The following EIF4E variants were observed in gnomAD, a reference collection of about 807,000 sequenced individuals.
The protein encoded by EIF4E is eIF-4F 25 kDa subunit.
For missense variants in EIF4E, 113 were observed against 265.6 expected, an observed-to-expected ratio of 0.43 and a Z score of 3.99; for synonymous variants, 71 against 88.5, an observed-to-expected ratio of 0.80 and a Z score of 1.11.
intron 2 of EIF4E, among the ~76,000 whole-genome samples, chr4:98,894,131 A>T (rs1423710180): frequency 6.6e-6 from 1 of 152,354 alleles, no homozygotes; most frequent in Admixed American, 6.5e-5. Flanking sequence ...CCATGCTATA[A>T]ATCGATGCAC....
chr4:98,927,874 C>A (rs938873244), intron 1 of EIF4E, among the ~76,000 whole-genome samples: 31 of 152,110 alleles, frequency 2.0e-4, no homozygotes, highest in African/African-American at 7.2e-4. Context: ...TCTAAAAAGG[C>A]AACAGGGCCC....
intron 1 of EIF4E, among the ~76,000 whole-genome samples, chr4:98,921,175 G>T (rs1424390122): frequency 6.6e-6 from 1 of 151,976 alleles, no homozygotes; most frequent in Non-Finnish European, 1.5e-5. Context: ...CACCTATAAA[G>T]TATTCATTTA....
chr4:98,924,868 T>C (rs1227455458), intron 1 of EIF4E, among the ~76,000 whole-genome samples: 2 of 152,234 alleles, frequency 1.3e-5, no homozygotes, highest in Non-Finnish European at 2.9e-5. Context: ...GTGCTGAGAT[T>C]ACAGGCGTGA....
At chr4:98,916,863 G>A (rs1046928966) in intron 1 of EIF4E, among the ~76,000 whole-genome samples, 2 of 151,872 alleles carry the variant, frequency 1.3e-5, no homozygotes, top group Non-Finnish European at 2.9e-5. Context: ...CCAAATAACA[G>A]GAAGATAAAG....
intron 1 of EIF4E, among the ~76,000 whole-genome samples, chr4:98,907,739 G>A (rs1724935726): frequency 6.6e-6 from 1 of 152,136 alleles, no homozygotes; most frequent in Non-Finnish European, 1.5e-5. Flanking sequence ...AAAACTTTCA[G>A]AGTACCATAG....
chr4:98,907,673 C>T (rs912051113), intron 1 of EIF4E, among the ~76,000 whole-genome samples: 13 of 152,198 alleles, frequency 8.5e-5, no homozygotes, highest in African/African-American at 3.1e-4. Context: ...AGCCTGGATC[C>T]ACCTCTAACC....
rs1451527468 is a variant in EIF4E, at chr4:98,887,025, G to A, written c.399+54C>T. 12 of 1,504,882 alleles carry A rather than the reference G, an allele frequency of 8.0e-6. No individual in the cohort carries two copies. Among genetic ancestry groups the A allele is most frequent in the Middle Eastern group, 2.4e-4 (1 of 4,210 alleles). The allele number at this position is 1,504,882 out of a possible 1,614,324, so 93.2% of individuals were successfully genotyped here. A position where few individuals can be genotyped will look rare whatever the true frequency, so the allele number is the denominator to read the frequency against. On this transcript the variant is annotated intron_variant, in intron 5 of 6. Coordinates refer to ENST00000450253, the MANE Select transcript of EIF4E (RefSeq NM_001968.5). The surrounding 1 kb of genome is among the most constrained non-coding windows in gnomAD (Gnocchi z 4.0). ...AAATGTAAAACATAACATATCTTAA[G>A]TATCAGTATTCCAAAACTACCTCTA...
chr4:98,904,339 A>C (rs1724773182), intron 1 of EIF4E, among the ~76,000 whole-genome samples: 1 of 152,336 alleles, frequency 6.6e-6, no homozygotes, highest in South Asian at 2.1e-4. Context: ...CTCTCTCTCA[A>C]GTCTTTGGAC....
chr4:98,885,161 T>A (rs914436736), intron 5 of EIF4E, 100 bp from the exon 6 acceptor site: 1 of 1,387,458 alleles, frequency 7.2e-7, no homozygotes, highest in Non-Finnish European at 9.9e-7. Context: ...AGGCAGTTTT[T>A]AAATCAAGAG....
chr4:98,914,346 A>T (rs1725278978), intron 1 of EIF4E, among the ~76,000 whole-genome samples: 1 of 121,952 alleles, frequency 8.2e-6, no homozygotes, highest in African/African-American at 3.1e-5. Context: ...CTGGCAACAG[A>T]GCCAGACTCC....
intron 2 of EIF4E, among the ~76,000 whole-genome samples, chr4:98,897,474 C>T (rs906425322): frequency 2.6e-5 from 4 of 151,812 alleles, no homozygotes; most frequent in East Asian, 1.9e-4. Flanking sequence ...GGGAGGCAGA[C>T]GCATGAGAAT....
At chr4:98,927,183 T>C (rs908863148) in intron 1 of EIF4E, among the ~76,000 whole-genome samples, 16 of 152,194 alleles carry the variant, frequency 1.1e-4, no homozygotes, top group African/African-American at 3.9e-4. Flanking sequence ...CAACAACTTA[T>C]GAGTTTTTCA....
intron 1 of EIF4E, among the ~76,000 whole-genome samples, chr4:98,910,679 G>GTCTA (rs1725085550): frequency 6.6e-6 from 1 of 151,404 alleles, no homozygotes; most frequent in Non-Finnish European, 1.5e-5. Flanking sequence ...AATCCCAACA[G>GTCTA]TCTACACTTG....
intron 1 of EIF4E, among the ~76,000 whole-genome samples, chr4:98,904,281 C>A (rs977136914): frequency 2.0e-5 from 3 of 152,070 alleles, no homozygotes; most frequent in African/African-American, 4.8e-5. Flanking sequence ...GCAAGTGAGA[C>A]CCAGTGAAGA....
chr4:98,892,760 G>T (rs1420971186), intron 2 of EIF4E, among the ~76,000 whole-genome samples: 3 of 151,762 alleles, frequency 2.0e-5, no homozygotes, highest in African/African-American at 7.3e-5. Flanking sequence ...AAGAAGAAAT[G>T]AGAGTGCCAG....
At chr4:98,886,508 G>A (rs1294558561) in intron 5 of EIF4E, 1 of 439,002 alleles carries the variant, frequency 2.3e-6, no homozygotes, top group South Asian at 1.6e-5. Flanking sequence ...GAGGCCAGAA[G>A]TTTGAGACCA....
At position 98,887,939 on chromosome 4, in the gene EIF4E, T is replaced by C; in HGVS notation, c.235A>G (p.Ile79Val). Residue 79 changes from isoleucine (I) to valine (V), a missense_variant, in exon 4 of 7, where the codon ATC becomes GTC. By Grantham distance (29) the Ile-to-Val change is conservative. Coordinates refer to ENST00000450253, the MANE Select transcript of EIF4E (RefSeq NM_001968.5). The surrounding 1 kb of genome is among the most constrained non-coding windows in gnomAD (Gnocchi z 4.0). ...GGCATTAAATTACTAGACAACTGGATATGGTTGTACAGACTAGGTAAAAGA... is the reference window on the plus strand; with the variant it reads ...GGCATTAAATTACTAGACAACTGGACATGGTTGTACAGACTAGGTAAAAGA... Reference protein sequence around the residue: ...VEDFWALYNHIQLSSNLMPGC... With the variant: ...VEDFWALYNHVQLSSNLMPGC... The C allele has an allele frequency of 6.2e-7, 1 of 1,612,464 alleles. No homozygotes were observed. The highest frequency in any genetic ancestry group is 8.5e-7 in the Non-Finnish European group (1 of 1,179,262).
rs552377189 is a variant in EIF4E, at chr4:98,918,755, T to C, written c.18+10340A>G. On this transcript the variant is annotated intron_variant, in intron 1 of 6. Coordinates refer to ENST00000450253, the MANE Select transcript of EIF4E (RefSeq NM_001968.5). ...AGTGAAAACTTTATGTGTTGATATG[T>C]AATGCTCTACAAGACATATTAAGTG... 3.9e-5 allele frequency among the ~76,000 whole-genome samples: 6 copies of C among 152,346 alleles called. No individual in the cohort carries two copies. The South Asian group carries it at 1.2e-3, about 32-fold the overall frequency.
chr4:98,887,095 C>T lies in EIF4E; in HGVS notation c.383G>A (p.Arg128His), dbSNP rs776434815. The change falls in exon 5 of 7, where the codon CGC (arginine) becomes CAC (histidine). Residue 128 changes from arginine (R) to histidine (H), a missense_variant. Physicochemically the swap from Arg to His is conservative, Grantham distance 29 (BLOSUM62 0). Coordinates refer to ENST00000450253, the MANE Select transcript of EIF4E (RefSeq NM_001968.5). The surrounding 1 kb of genome is among the most constrained non-coding windows in gnomAD (Gnocchi z 4.0). Reference protein sequence around the residue: ...NKQQRRSDLDRFWLETLLCLI... With the variant: ...NKQQRRSDLDHFWLETLLCLI... ...AAACCTTACTGTCTCTAGCCAAAAG[C>T]GATCGAGGTCACTTCGTCTCTGCTG... 3 of 1,613,300 alleles carry T rather than the reference C, an allele frequency of 1.9e-6. No homozygotes were observed. Among genetic ancestry groups the T allele is most frequent in the Non-Finnish European group, 2.5e-6 (3 of 1,179,772 alleles).
Sources: gnomAD v4.1 joint callset for allele counts (sites outside exome capture counted in the v4.1 genomes callset) on GRCh38, gnomAD v4.1.1 for gene constraint, Gnocchi (gnomAD v3.1) non-coding constraint, MANE v1.5 for transcripts, NCBI Gene and HGNC (gene_info 2026-07-23, HGNC 2026-07-21) for gene names.